TBC1D9B: variants seen among roughly 807,000 people sequenced by gnomAD.
TBC1D9B encodes TBC1 domain family, member 9B (with GRAM domain).
Under a neutral mutation model 121.1 loss-of-function variants are expected in TBC1D9B, and 87 were observed. The observed-to-expected ratio is 0.72, with a 90% CI of 0.60 to 0.86. TBC1D9B has a LOEUF of 0.86. Among genes scored for constraint, TBC1D9B ranks in the 40% least tolerant of loss-of-function variants. The pLI, the probability that TBC1D9B is intolerant of heterozygous loss-of-function variation, is 0.00. For synonymous variants in TBC1D9B, 668 were observed against 670.1 expected (o/e 1.00, Z 0.05); for missense variants, 1,540 against 1,628.6 (o/e 0.95, Z 0.94).
At chr5:179,903,649 G>C (rs757102253) in intron 2 of TBC1D9B, among the ~76,000 whole-genome samples, 1 of 152,104 alleles carries the variant, frequency 6.6e-6, no homozygotes, top group East Asian at 1.9e-4. Context: ...ATTCCTGATC[G>C]ATTGGCATTG....
rs572293064 is a variant in TBC1D9B at position 179,890,048 on chromosome 5, C to A, written c.1044+1331G>T. Reference sequence around the variant, plus strand: ...GGAGAGGTCGGAATCTAGGCCGATACGTGGCTTTTACCTGGGCAAAGGGTG... The same window carrying A: ...GGAGAGGTCGGAATCTAGGCCGATAAGTGGCTTTTACCTGGGCAAAGGGTG... On this transcript the variant is annotated intron_variant, in intron 6 of 20. Coordinates refer to ENST00000355235, the MANE Select transcript of TBC1D9B (RefSeq NM_015043.4). The surrounding 1 kb of genome is among the most constrained non-coding windows in gnomAD (Gnocchi z 5.0). Among the ~76,000 whole-genome samples, 5 of 151,938 alleles carry A rather than the reference C, an allele frequency of 3.3e-5. No individual in the cohort carries two copies.
In TBC1D9B at chr5:179,875,116, G is replaced by C. The variant is rs1379076350; in HGVS notation, c.1972C>G (p.Gln658Glu). 8.7e-6 allele frequency: 14 copies of C among 1,613,916 alleles called. No individual in the cohort carries two copies. Among genetic ancestry groups the C allele is most frequent in the Non-Finnish European group, 1.2e-5 (14 of 1,180,042 alleles). Reference protein sequence around the residue: ...DFLPQLSEKMQDLGVISSISL... With the variant: ...DFLPQLSEKMEDLGVISSISL... ...ATGCTGGAGATCACCCCCAGGTCCT[G>C]CATCTTCTCCGAGAGCTGCGGCAGG... Residue 658 changes from glutamine (Q) to glutamate (E), a missense_variant, in exon 12 of 21, where the codon CAG becomes GAG. By Grantham distance (29) the Gln-to-Glu change is conservative. Transcript: ENST00000355235. This position sits in a 1 kb window ranked among gnomAD's most constrained non-coding sequence, Gnocchi z 4.5.
Position 179,878,431 on chromosome 5 carries a change from C to T in TBC1D9B, c.1660G>A (p.Glu554Lys), listed in dbSNP as rs1471886528. Residue 554 changes from glutamate (E) to lysine (K), a missense_variant, in exon 10 of 21, where the codon GAG (glutamate) becomes AAG (lysine). Coordinates refer to ENST00000355235, the MANE Select transcript of TBC1D9B (RefSeq NM_015043.4). The stretch of plus-strand genomic sequence containing the variant: ...GGCATGGAGCGGTGCAGGTCTCGCT[C>T]GATCTCCTCTGTGGCCAGGCTGTAC... ...GKYSLATEEI[E>K]RDLHRSMPEH... 3.7e-6 allele frequency: 6 copies of T among 1,613,218 alleles called. No homozygotes were observed. The highest frequency in any genetic ancestry group is 1.3e-5 in the African/African-American group (1 of 75,036).
In TBC1D9B at chr5:179,874,963, C is replaced by T. The variant is rs375530962; in HGVS notation, c.2125G>A (p.Ala709Thr). ...ILQVALAVLD[A>T]NMEQLLGCSD... ...CAGCCCAGCAGCTGCTCCATGTTGGCGTCCAGGACGGCCAGGGCCACCTGC... is the reference window on the plus strand; with the variant it reads ...CAGCCCAGCAGCTGCTCCATGTTGGTGTCCAGGACGGCCAGGGCCACCTGC... The change falls in exon 12 of 21, where the codon GCC becomes ACC. Residue 709 changes from alanine to threonine, a missense_variant. Physicochemically the swap from Ala to Thr is moderately conservative, Grantham distance 58. Coordinates refer to ENST00000355235, the MANE Select transcript of TBC1D9B (RefSeq NM_015043.4). The surrounding 1 kb of genome is among the most constrained non-coding windows in gnomAD (Gnocchi z 4.3). The T allele has an allele frequency of 6.8e-6, 11 of 1,613,772 alleles. No individual in the cohort carries two copies. The Admixed American group carries it at 1.0e-4, about 15-fold the overall frequency.
rs1582099798 is a variant in TBC1D9B at position 179,894,304 on chromosome 5, T to C, written c.577+82A>G. On this transcript the variant is annotated intron_variant, in intron 4 of 20. Transcript: ENST00000355235. ...TTCAGGGAGACCCCTCTGGTGGCCA[T>C]GTGGGGATGGAGTATCTGGGGGCCG... 1.8e-5 allele frequency: 23 copies of C among 1,261,788 alleles called. 1 individual carries two copies. The highest frequency in any genetic ancestry group is 1.8e-4 in the South Asian group (13 of 71,948). The allele number at this position is 1,261,788 out of a possible 1,614,324, so 78.2% of individuals were successfully genotyped here. A position where few individuals can be genotyped will look rare whatever the true frequency, so the allele number is the denominator to read the frequency against.
chr5:179,898,389 G>T, intron 3 of TBC1D9B, among the ~76,000 whole-genome samples: 1 of 151,850 alleles, frequency 6.6e-6, no homozygotes, highest in South Asian at 2.1e-4. Flanking sequence ...TCCTAACCTC[G>T]TGATCTGCCT....
intron 6 of TBC1D9B, among the ~76,000 whole-genome samples, chr5:179,889,055 G>A (rs889423720): frequency 6.0e-5 from 9 of 151,060 alleles, no homozygotes; most frequent in African/African-American, 1.5e-4. Flanking sequence ...TTTTTGAGAC[G>A]GAGTCTCGCT....
Position 179,878,503 on chromosome 5 carries a change from T to C in TBC1D9B, c.1588A>G (p.Thr530Ala), listed in dbSNP as rs1213929367. 1.9e-6 allele frequency: 3 copies of C among 1,606,636 alleles called. No homozygotes were observed. In the African/African-American group the frequency reaches 4.0e-5, roughly 21 times the overall value. Reference sequence around the variant, plus strand: ...AGCTCAGCATAGTACCCGGGGTGAGTCACCATCTCATTCCAGGCCCCTGGG... The same window carrying C: ...AGCTCAGCATAGTACCCGGGGTGAGCCACCATCTCATTCCAGGCCCCTGGG... Reference protein sequence around the residue: ...LFSGAWNEMVTHPGYYAELVE... With the variant: ...LFSGAWNEMVAHPGYYAELVE... The change falls in exon 10 of 21, where the codon ACT becomes GCT. Residue 530 changes from threonine to alanine, a missense_variant. By Grantham distance (58) the Thr-to-Ala change is moderately conservative. Coordinates refer to ENST00000355235, the MANE Select transcript of TBC1D9B (RefSeq NM_015043.4).
intron 4 of TBC1D9B, among the ~76,000 whole-genome samples, 175 bp from the exon 5 acceptor site, chr5:179,893,642 G>C (rs1760935274): frequency 6.6e-6 from 1 of 152,130 alleles, no homozygotes; most frequent in African/African-American, 2.4e-5. Context: ...CCAGGCCACT[G>C]AGGTGTCCAC....
rs755773214 is a variant in TBC1D9B, at chr5:179,902,902, AACTCTT to A, written c.229+1794_229+1799del. ...TGGCCTTGGACAAACTCCCCTTCCT[AACTCTT>A]ACTGAGTTATTCAGTCCTGCAAAGG... is the stretch of plus-strand genomic sequence containing the variant. On this transcript the variant is annotated intron_variant, in intron 2 of 20. Coordinates refer to ENST00000355235, the MANE Select transcript of TBC1D9B (RefSeq NM_015043.4). This position sits in a 1 kb window ranked among gnomAD's most constrained non-coding sequence, Gnocchi z 4.9. Among the ~76,000 whole-genome samples, 2 of 144,598 alleles carry A rather than the reference AACTCTT, an allele frequency of 1.4e-5. No homozygotes were observed. The highest frequency in any genetic ancestry group is 2.9e-5 in the Non-Finnish European group (2 of 67,988). 94.9% of individuals were successfully genotyped at this position (144,598 alleles called of 152,430 possible).
chr5:179,902,905 TCTTA>T lies in TBC1D9B; in HGVS notation c.229+1793_229+1796del, dbSNP rs138824427. Among the ~76,000 whole-genome samples the T allele has an allele frequency of 0.12, 17,646 of 151,928 alleles. 3,304 individuals carry two copies. Among genetic ancestry groups the T allele is most frequent in the African/African-American group, 0.39 (16,241 of 41,282 alleles). ...CCTTGGACAAACTCCCCTTCCTAAC[TCTTA>T]CTGAGTTATTCAGTCCTGCAAAGGA... On this transcript the variant is annotated intron_variant, in intron 2 of 20. Transcript: ENST00000355235. This position sits in a 1 kb window ranked among gnomAD's most constrained non-coding sequence, Gnocchi z 4.9.
At position 179,874,906 on chromosome 5, in the gene TBC1D9B, C is replaced by T. The variant is rs773944664; in HGVS notation, c.2182G>A (p.Gly728Ser). The change falls in exon 12 of 21, where the codon GGC becomes AGC. Residue 728 changes from glycine to serine, a missense_variant. By Grantham distance (56) the Gly-to-Ser change is moderately conservative (BLOSUM62 0). Coordinates refer to ENST00000355235, the MANE Select transcript of TBC1D9B (RefSeq NM_015043.4). The surrounding 1 kb of genome is among the most constrained non-coding windows in gnomAD (Gnocchi z 4.3). ...SDEGEAMTMLGRYLDNVVNKQ... is the reference protein window; with the variant it reads ...SDEGEAMTMLSRYLDNVVNKQ... ...AGAAGGAACCCGGCATGTCACCTGC[C>T]CAGCATGGTCATGGCCTCGCCCTCG... 6.2e-7 allele frequency: 1 copy of T among 1,612,970 alleles called. No individual in the cohort carries two copies. Among genetic ancestry groups the T allele is most frequent in the Non-Finnish European group, 8.5e-7 (1 of 1,179,914 alleles).
chr5:179,894,844 C>T (rs986905064), intron 3 of TBC1D9B, among the ~76,000 whole-genome samples: 4 of 152,196 alleles, frequency 2.6e-5, no homozygotes, highest in African/African-American at 9.7e-5. Context: ...TAACTACTGT[C>T]ATCACCAGTT....
Position 179,862,188 on chromosome 5 carries a change from T to G in TBC1D9B, c.*1260A>C. The G allele has an allele frequency of 5.1e-6, 1 of 195,656 alleles. No homozygotes were observed. The highest frequency in any genetic ancestry group is 1.1e-5 in the Non-Finnish European group (1 of 89,936). The allele number at this position is 195,656 out of a possible 1,614,324, so 12.1% of individuals were successfully genotyped here. ...AGGAAAAAACAGTATGTATAAGGTT[T>G]GTTATTATCTGTGGTTTTAGACATC... On this transcript the variant is annotated 3_prime_UTR_variant, in exon 21 of 21. Transcript: ENST00000355235.
chr5:179,867,744 G>A (rs1447472708), intron 18 of TBC1D9B, 34 bp downstream of exon 18: 1 of 1,601,990 alleles, frequency 6.2e-7, no homozygotes. Flanking sequence ...CAGAGTGCTG[G>A]CTGGGCATGT....
intron 12 of TBC1D9B, 64 bp from the exon 13 acceptor site, chr5:179,873,312 C>G: frequency 6.7e-7 from 1 of 1,493,222 alleles, no homozygotes; most frequent in Admixed American, 2.4e-5. Context: ...CTTCCCACAG[C>G]TGGGTGATGC....
At chr5:179,901,090 C>A (rs1761153547) in intron 2 of TBC1D9B, among the ~76,000 whole-genome samples, 2 of 152,158 alleles carry the variant, frequency 1.3e-5, no homozygotes. Flanking sequence ...AGAAGCAAGG[C>A]CACAGGATAG....
At chr5:179,894,188 T>TG (rs1561646535) in intron 4 of TBC1D9B, among the ~76,000 whole-genome samples, 198 bp downstream of exon 4, 1 of 151,230 alleles carries the variant, frequency 6.6e-6, no homozygotes, top group Non-Finnish European at 1.5e-5. Context: ...TACTAGCGAG[T>TG]GGGGGGCATG....
Position 179,870,447 on chromosome 5 carries a change from C to G in TBC1D9B, c.2533G>C (p.Gly845Arg). 2 of 1,612,968 alleles carry G rather than the reference C, an allele frequency of 1.2e-6. No homozygotes were observed. The highest frequency in any genetic ancestry group is 8.5e-7 in the Non-Finnish European group (1 of 1,179,986). The change falls in exon 16 of 21, where the codon GGC becomes CGC. Residue 845 changes from glycine to arginine, a missense_variant. Physicochemically the swap from Gly to Arg is moderately radical, Grantham distance 125. Transcript: ENST00000355235. ...QYWGCSRTMA[G>R]RRDPSLPYLE... ...TAGGGCAGGCTGGGGTCCCGACGGC[C>G]GGCCATTGTGCGGCTGCACCCCCAG...
Sources: allele counts gnomAD v4.1 joint callset (sites outside exome capture counted in the v4.1 genomes callset), GRCh38; gene constraint gnomAD v4.1.1; non-coding constraint Gnocchi (gnomAD v3.1); transcripts MANE v1.5; gene names NCBI Gene and HGNC (gene_info 2026-07-23, HGNC 2026-07-21).